CCDC88A: variants seen among roughly 807,000 people sequenced by gnomAD.
The protein encoded by CCDC88A is girdin.
Under a neutral mutation model 234.3 loss-of-function variants are expected in CCDC88A, and 54 were observed. The ratio of observed to expected loss-of-function variants is 0.23; its 90% CI spans 0.19 to 0.29. The LOEUF (loss-of-function observed/expected upper bound fraction) is 0.29, where lower values mean the gene tolerates loss of function less well. Ranked by LOEUF, CCDC88A falls within the 10% of genes least tolerant of loss-of-function variation. CCDC88A has a pLI of 1.00. For missense variants in CCDC88A, 1,832 were observed against 2,123.4 expected, an observed-to-expected ratio of 0.86 and a Z score of 2.70; for synonymous variants, 753 against 737.8, an observed-to-expected ratio of 1.02 and a Z score of -0.33.
intron 2 of CCDC88A, among the ~76,000 whole-genome samples, chr2:55,401,203 G>C (rs934073621): frequency 1.3e-5 from 2 of 151,688 alleles, no homozygotes; most frequent in Non-Finnish European, 2.9e-5. Context: ...GCTGAGGCCA[G>C]AGAATTGCTT....
intron 15 of CCDC88A, among the ~76,000 whole-genome samples, chr2:55,333,416 T>C (rs1245864405): frequency 6.6e-6 from 1 of 152,202 alleles, no homozygotes; most frequent in Non-Finnish European, 1.5e-5. Flanking sequence ...GATACATAGA[T>C]TCAAGCAAAT....
intron 25 of CCDC88A, among the ~76,000 whole-genome samples, chr2:55,306,776 A>T (rs1474488997): frequency 6.6e-6 from 1 of 152,054 alleles, no homozygotes; most frequent in Non-Finnish European, 1.5e-5. Flanking sequence ...AAGTTTCACC[A>T]TGTTGGCCAG....
At chr2:55,388,157 A>T (rs1676015878) in intron 3 of CCDC88A, among the ~76,000 whole-genome samples, 2 of 152,212 alleles carry the variant, frequency 1.3e-5, no homozygotes, top group South Asian at 4.1e-4. Context: ...AATTCTTAAC[A>T]AATATCAAAG....
chr2:55,324,372 C>A (rs1448501377), intron 17 of CCDC88A: 1 of 152,178 alleles, frequency 6.6e-6, no homozygotes, highest in Non-Finnish European at 1.5e-5. Context: ...CTAGAAAGAT[C>A]ACTGCACTAA....
At position 55,361,354 on chromosome 2, in the gene CCDC88A, C is replaced by A. The variant is rs143444994; in HGVS notation, c.627+954G>T. On this transcript the variant is annotated intron_variant, in intron 7 of 32. Transcript: ENST00000436346. The stretch of plus-strand genomic sequence containing the variant: ...TAGTAGGAATGTTTTCCAATTTATT[C>A]TTTCCTTCCTTTGGTCTCAAAGTCC... 2.2e-3 allele frequency among the ~76,000 whole-genome samples: 332 copies of A among 152,204 alleles called. 2 individuals are homozygous for A. Among genetic ancestry groups the A allele is most frequent in the African/African-American group, 7.8e-3 (323 of 41,556 alleles).
intron 12 of CCDC88A, among the ~76,000 whole-genome samples, chr2:55,341,390 G>A (rs1668473943): frequency 1.3e-5 from 2 of 150,320 alleles, no homozygotes; most frequent in African/African-American, 2.4e-5. Context: ...TGCCCGCCTC[G>A]GCCTCCCAGA....
chr2:55,358,541 G>A (rs1050166383), intron 7 of CCDC88A, among the ~76,000 whole-genome samples: 1 of 152,042 alleles, frequency 6.6e-6, no homozygotes, highest in Non-Finnish European at 1.5e-5. Flanking sequence ...TGATGACTAT[G>A]TAAATGTTAC....
intron 23 of CCDC88A, among the ~76,000 whole-genome samples, chr2:55,310,626 G>C (rs542502265): frequency 1.3e-5 from 2 of 152,142 alleles, no homozygotes; most frequent in East Asian, 3.9e-4. Flanking sequence ...GAAGCTAATG[G>C]GGTAGTCTAT....
At chr2:55,384,593 ATATATACG>A (rs1675231918) in intron 3 of CCDC88A, among the ~76,000 whole-genome samples, 1 of 113,108 alleles carries the variant, frequency 8.8e-6, no homozygotes, top group Non-Finnish European at 1.9e-5. Flanking sequence ...ATATATACAC[ATATATACG>A]TATATATGTG....
At chr2:55,298,920 C>A (rs1680538122) in intron 29 of CCDC88A, among the ~76,000 whole-genome samples, 1 of 150,368 alleles carries the variant, frequency 6.7e-6, no homozygotes, top group African/African-American at 2.4e-5. Flanking sequence ...ACCCTCCAGG[C>A]CGGGCAAGGT....
At chr2:55,410,197 A>T (rs531477854) in intron 2 of CCDC88A, among the ~76,000 whole-genome samples, 33 of 152,272 alleles carry the variant, frequency 2.2e-4, no homozygotes, top group African/African-American at 7.2e-4. Flanking sequence ...TGGGCCAAGG[A>T]GTACTTGTTT....
chr2:55,386,893 G>C (rs1209935526), intron 3 of CCDC88A, among the ~76,000 whole-genome samples: 1 of 151,884 alleles, frequency 6.6e-6, no homozygotes, highest in Non-Finnish European at 1.5e-5. Flanking sequence ...TAAAGAAAAA[G>C]GGCTGGGCGC....
chr2:55,353,901 G>A (rs965705225), intron 8 of CCDC88A, among the ~76,000 whole-genome samples: 1 of 152,048 alleles, frequency 6.6e-6, no homozygotes, highest in African/African-American at 2.4e-5. Flanking sequence ...AACGAGTTAG[G>A]CGATTTCATC....
At chr2:55,307,570 G>T (rs1681761048) in intron 25 of CCDC88A, among the ~76,000 whole-genome samples, 1 of 151,900 alleles carries the variant, frequency 6.6e-6, no homozygotes. Flanking sequence ...GGTCAGGCTG[G>T]TCTCCAACTC....
At chr2:55,312,611 A>C (rs779989214) in intron 22 of CCDC88A, 32 bp from the exon 23 acceptor site, 1 of 1,512,242 alleles carries the variant, frequency 6.6e-7, no homozygotes, top group Non-Finnish European at 9.1e-7. Flanking sequence ...TTAAAAAATC[A>C]ACATTTACAT....
At chr2:55,412,906 C>A (rs1400399945) in intron 2 of CCDC88A, among the ~76,000 whole-genome samples, 1 of 152,092 alleles carries the variant, frequency 6.6e-6, no homozygotes, top group African/African-American at 2.4e-5. Flanking sequence ...AGAGATCATA[C>A]AAAACTAAGC....
chr2:55,407,257 GA>G (rs1301677029), intron 2 of CCDC88A, among the ~76,000 whole-genome samples: 1 of 151,710 alleles, frequency 6.6e-6, no homozygotes, highest in Non-Finnish European at 1.5e-5. Context: ...TTCCATGAAG[GA>G]CTACTGAGAT....
chr2:55,343,976 C>T, intron 11 of CCDC88A, 184 bp from the exon 12 acceptor site: 1 of 472,936 alleles, frequency 2.1e-6, no homozygotes, highest in East Asian at 3.4e-5. Flanking sequence ...AAGTGTCTGA[C>T]ATCCTTTTAA....
chr2:55,408,150 C>G (rs1365620107), intron 2 of CCDC88A, among the ~76,000 whole-genome samples: 1 of 151,898 alleles, frequency 6.6e-6, no homozygotes, highest in Non-Finnish European at 1.5e-5. Context: ...TTTTATCCAC[C>G]CATTAGTACT....
Sources: gnomAD v4.1 joint callset for allele counts (sites outside exome capture counted in the v4.1 genomes callset) on GRCh38, gnomAD v4.1.1 for gene constraint, MANE v1.5 for transcripts, NCBI Gene and HGNC (gene_info 2026-07-23, HGNC 2026-07-21) for gene names.